Variants in NUDT3 observed in about 807,000 individuals in gnomAD.
NUDT3 encodes nudix hydrolase 3.
NUDT3 carries 9 observed loss-of-function variants against 23.6 expected under a neutral mutation model. The observed-to-expected ratio is 0.38, with a 90% CI of 0.23 to 0.66. The LOEUF (loss-of-function observed/expected upper bound fraction) is 0.66. Among genes scored for constraint, NUDT3 ranks in the 30% least tolerant of loss-of-function variants. The pLI is 0.52. For missense variants in NUDT3, 172 were observed against 218.5 expected (o/e 0.79, Z 1.34); for synonymous variants, 86 against 82.6 (o/e 1.04, Z -0.22).
chr6:34,300,578 A>G (rs1408424647), intron 2 of NUDT3, among the ~76,000 whole-genome samples: 1 of 152,226 alleles, frequency 6.6e-6, no homozygotes, highest in East Asian at 1.9e-4. Flanking sequence ...GAAACCCTGT[A>G]CTTCCTTGTC....
At chr6:34,355,006 T>C (rs1217532985) in intron 1 of NUDT3, among the ~76,000 whole-genome samples, 1 of 152,024 alleles carries the variant, frequency 6.6e-6, no homozygotes, top group Non-Finnish European at 1.5e-5. Context: ...CTCTAATTTA[T>C]ATTTCTTTTA....
intron 3 of NUDT3, among the ~76,000 whole-genome samples, chr6:34,294,016 CTTACT>C (rs1269806086): frequency 6.6e-6 from 1 of 152,094 alleles, no homozygotes; most frequent in Non-Finnish European, 1.5e-5. Flanking sequence ...GAGAGAGAGC[CTTACT>C]TTGTCACCTA....
At chr6:34,295,428 A>G (rs1311489027) in intron 3 of NUDT3, among the ~76,000 whole-genome samples, 2 of 152,092 alleles carry the variant, frequency 1.3e-5, no homozygotes, top group African/African-American at 4.8e-5. Flanking sequence ...AGGCTGATGC[A>G]GAAGACTGCT....
intron 1 of NUDT3, among the ~76,000 whole-genome samples, chr6:34,351,244 ATGGGAAGATCT>A (rs1344945263): frequency 7.5e-5 from 10 of 132,994 alleles, no homozygotes; most frequent in Non-Finnish European, 1.1e-4. Flanking sequence ...GGAGGCCAAG[ATGGGAAGATCT>A]TTTGAGGCCA....
At chr6:34,306,050 T>G (rs576205384) in intron 2 of NUDT3, among the ~76,000 whole-genome samples, 3 of 152,236 alleles carry the variant, frequency 2.0e-5, no homozygotes, top group Non-Finnish European at 4.4e-5. Context: ...TTAATGGTGT[T>G]ATTTAACCTC....
intron 1 of NUDT3, among the ~76,000 whole-genome samples, chr6:34,380,076 CTATT>C (rs963057843): frequency 4.7e-4 from 72 of 151,632 alleles, no homozygotes; most frequent in African/African-American, 1.6e-3. Flanking sequence ...TAATTTTTAT[CTATT>C]TATTTATTTA....
chr6:34,334,536 G>A (rs1034110577), intron 2 of NUDT3, among the ~76,000 whole-genome samples: 2 of 152,144 alleles, frequency 1.3e-5, no homozygotes, highest in Non-Finnish European at 2.9e-5. Flanking sequence ...CTATCTGGGA[G>A]GCTGAGGCAG....
intron 2 of NUDT3, among the ~76,000 whole-genome samples, chr6:34,311,730 T>C (rs1203207833): frequency 6.6e-6 from 1 of 152,058 alleles, no homozygotes; most frequent in African/African-American, 2.4e-5. Context: ...AATAAATAAA[T>C]AGATGGAACA....
chr6:34,315,405 G>A (rs1252876171), intron 2 of NUDT3, among the ~76,000 whole-genome samples: 1 of 152,108 alleles, frequency 6.6e-6, no homozygotes, highest in Admixed American at 6.6e-5. Flanking sequence ...AGAGATGAAC[G>A]GTTTATTTGA....
intron 2 of NUDT3, among the ~76,000 whole-genome samples, chr6:34,325,720 A>G (rs547972279): frequency 6.6e-6 from 1 of 152,364 alleles, no homozygotes; most frequent in South Asian, 2.1e-4. Context: ...AGATCCTCAC[A>G]TATAATGTAC....
At chr6:34,349,611 C>CT (rs1406778976) in intron 1 of NUDT3, among the ~76,000 whole-genome samples, 3 of 150,554 alleles carry the variant, frequency 2.0e-5, no homozygotes, top group Non-Finnish European at 4.4e-5. Context: ...CAGAATGAGA[C>CT]TAACGGAAGG....
intron 1 of NUDT3, among the ~76,000 whole-genome samples, chr6:34,374,264 T>C (rs1176094942): frequency 6.6e-6 from 1 of 152,118 alleles, no homozygotes; most frequent in Non-Finnish European, 1.5e-5. Flanking sequence ...TTACCAGAAT[T>C]ATCACAGTAG....
At chr6:34,314,075 C>T (rs897528365) in intron 2 of NUDT3, among the ~76,000 whole-genome samples, 2 of 148,872 alleles carry the variant, frequency 1.3e-5, no homozygotes, top group African/African-American at 5.0e-5. Flanking sequence ...CCAGCCTGGG[C>T]AATAAGGGTG....
At chr6:34,345,222 G>A (rs1361560275) in intron 1 of NUDT3, among the ~76,000 whole-genome samples, 1 of 151,520 alleles carries the variant, frequency 6.6e-6, no homozygotes, top group Non-Finnish European at 1.5e-5. Context: ...CTAATTTTTT[G>A]TATTTTTAGT....
intron 2 of NUDT3, among the ~76,000 whole-genome samples, chr6:34,339,794 A>C (rs568231990): frequency 1.4e-4 from 21 of 152,338 alleles, no homozygotes; most frequent in African/African-American, 5.1e-4. Context: ...TTATCTATCC[A>C]TTCTTTTTTA....
intron 2 of NUDT3, among the ~76,000 whole-genome samples, chr6:34,311,594 G>A (rs1308498530): frequency 6.6e-6 from 1 of 152,132 alleles, no homozygotes; most frequent in African/African-American, 2.4e-5. Flanking sequence ...AAGTTTATAA[G>A]GAGATGCAAA....
rs569837635 is a variant in NUDT3 at position 34,345,662 on chromosome 6, C to CAA, written c.100-3692_100-3691dup. Among the ~76,000 whole-genome samples, 204 of 66,632 alleles carry CAA rather than the reference C, an allele frequency of 3.1e-3. 1 individual carries two copies. Among genetic ancestry groups the CAA allele is most frequent in the African/African-American group, 8.6e-3 (151 of 17,532 alleles). The allele number at this position is 66,632 out of a possible 152,430, so 43.7% of individuals were successfully genotyped here. On this transcript the variant is annotated intron_variant, in intron 1 of 4. Coordinates refer to ENST00000607016, the MANE Select transcript of NUDT3 (RefSeq NM_006703.4). Reference sequence around the variant, plus strand: ...TGGGCGACAGAGCGAGACTCCGTCCCAAAAAAAAAAAAAAAAAAGCTGAAG... The same window carrying CAA: ...TGGGCGACAGAGCGAGACTCCGTCCCAAAAAAAAAAAAAAAAAAAAGCTGAAG...
Position 34,286,013 on chromosome 6 carries a change from G to A in NUDT3, c.*2740C>T, listed in dbSNP as rs1271811396. The A allele has an allele frequency of 6.6e-6, 1 of 152,094 alleles. No individual in the cohort carries two copies. The highest frequency in any genetic ancestry group is 1.5e-5 in the Non-Finnish European group (1 of 68,018). The allele number at this position is 152,094 out of a possible 1,614,324, so 9.4% of individuals were successfully genotyped here. On this transcript the variant is annotated 3_prime_UTR_variant, in exon 5 of 5. Coordinates refer to ENST00000607016, the MANE Select transcript of NUDT3 (RefSeq NM_006703.4). ...TTCAGGGTAGTATATTGTTACACTA[G>A]CCCAGTCAAAACATACTCAGAACAT...
intron 2 of NUDT3, among the ~76,000 whole-genome samples, chr6:34,306,264 G>A (rs1763677325): frequency 6.6e-6 from 1 of 152,112 alleles, no homozygotes; most frequent in Non-Finnish European, 1.5e-5. Flanking sequence ...ATACTGTCTT[G>A]GCAGTCCTTA....
Sources: gnomAD v4.1 joint callset for allele counts (sites outside exome capture counted in the v4.1 genomes callset) on GRCh38, gnomAD v4.1.1 for gene constraint, MANE v1.5 for transcripts, NCBI Gene and HGNC (gene_info 2026-07-23, HGNC 2026-07-21) for gene names.